The following SYNPR variants were observed in gnomAD, a reference collection of about 807,000 sequenced individuals.
SYNPR encodes synaptoporin.
In SYNPR, 23 loss-of-function variants were observed where a neutral mutation model predicts 32.9. The observed-to-expected ratio is 0.70, with a 90% CI of 0.50 to 0.99. The LOEUF (loss-of-function observed/expected upper bound fraction) is 0.99, where lower values mean the gene tolerates loss of function less well. Ranked by LOEUF, SYNPR falls within the 50% of genes least tolerant of loss-of-function variation. The pLI is 0.00. For missense variants in SYNPR, 318 were observed against 349.3 expected (o/e 0.91, Z 0.71); for synonymous variants, 146 against 135.9 (o/e 1.07, Z -0.52).
chr3:63,506,150 C>A (rs184185969), intron 3 of SYNPR, among the ~76,000 whole-genome samples: 72 of 151,422 alleles, frequency 4.8e-4, no homozygotes, highest in African/African-American at 1.7e-3. Context: ...TTCCCTTTTC[C>A]TCCGCTCTCT....
chr3:63,355,195 C>T (rs1490195952), intron 2 of SYNPR, among the ~76,000 whole-genome samples: 3 of 151,592 alleles, frequency 2.0e-5, no homozygotes, highest in Non-Finnish European at 4.4e-5. Flanking sequence ...CAGAGAATGG[C>T]TTCAGCCTTG....
intron 2 of SYNPR, among the ~76,000 whole-genome samples, chr3:63,297,135 G>A (rs558242723): frequency 1.3e-5 from 2 of 152,356 alleles, no homozygotes; most frequent in East Asian, 3.9e-4. Context: ...AAATAATTTA[G>A]ATTAGGGACT....
intron 2 of SYNPR, among the ~76,000 whole-genome samples, chr3:63,316,282 T>C (rs1310759029): frequency 3.3e-5 from 5 of 152,052 alleles, no homozygotes; most frequent in African/African-American, 1.2e-4. Flanking sequence ...TCTTTCTCTA[T>C]CTTGTGGAAG....
At chr3:63,269,113 A>T (rs545749536) in intron 3 of SYNPR, among the ~76,000 whole-genome samples, 1 of 152,368 alleles carries the variant, frequency 6.6e-6, no homozygotes, top group East Asian at 1.9e-4. Context: ...GAATAAAAAA[A>T]TTATTCTCAC....
intron 2 of SYNPR, among the ~76,000 whole-genome samples, chr3:63,363,231 A>G (rs976874927): frequency 3.3e-5 from 5 of 152,162 alleles, no homozygotes; most frequent in Admixed American, 2.6e-4. Flanking sequence ...CAGCCTCTTA[A>G]TGTTATCAGC....
intron 2 of SYNPR, chr3:63,351,381 A>G (rs2087507509): frequency 6.6e-6 from 1 of 152,176 alleles, no homozygotes; most frequent in Non-Finnish European, 1.5e-5. Context: ...TGCTTTTCAA[A>G]TCAAGTGTGA....
chr3:63,293,888 A>G (rs1575588970), intron 2 of SYNPR, among the ~76,000 whole-genome samples: 1 of 152,070 alleles, frequency 6.6e-6, no homozygotes, highest in African/African-American at 2.4e-5. Flanking sequence ...TTAACTAATC[A>G]TATCTGCAGT....
At chr3:63,282,549 G>A (rs1393994203) in intron 2 of SYNPR, among the ~76,000 whole-genome samples, 7 of 152,060 alleles carry the variant, frequency 4.6e-5, no homozygotes, top group Admixed American at 1.3e-4. Flanking sequence ...TAGGCATTGT[G>A]GTGCATGCCT....
rs9864214 is a variant in SYNPR, at chr3:63,318,509, A to T, written c.84+39767A>T. ...GGTTAATTCAAAGACCTTGTCTTTG[A>T]GCTGTGAATTTCTCTCTTCTGTTTG... On this transcript the variant is annotated intron_variant, in intron 2 of 5. Transcript: ENST00000478300. Among the ~76,000 whole-genome samples, 418 of 151,750 alleles carry T rather than the reference A, an allele frequency of 2.8e-3. 1 individual carries two copies. The highest frequency in any genetic ancestry group is 9.1e-3 in the African/African-American group (376 of 41,412).
chr3:63,447,998 A>ATATTTATTTATTTATTTATT (rs369985539), intron 2 of SYNPR, among the ~76,000 whole-genome samples: 8,388 of 151,670 alleles, frequency 0.055, 430 homozygotes, highest in East Asian at 0.26. Context: ...TGCCTACAGA[A>ATATTTATTTATTTATTTATT]TATTTATTTA....
In SYNPR at chr3:63,487,349, C is replaced by T. The variant is rs145417732; in HGVS notation, c.209+6393C>T. Among the ~76,000 whole-genome samples, 199 of 152,126 alleles carry T rather than the reference C, an allele frequency of 1.3e-3. 1 individual carries two copies. Among genetic ancestry groups the T allele is most frequent in the Middle Eastern group, 3.4e-3 (1 of 294 alleles). On this transcript the variant is annotated intron_variant, in intron 3 of 5. Transcript: ENST00000478300. ...CTGTTTCTTATCTGTGAAACAGAAA[C>T]AATGTTACCTATTTCATAGTATTGT...
intron 2 of SYNPR, among the ~76,000 whole-genome samples, chr3:63,340,623 T>G (rs2087356382): frequency 6.6e-6 from 1 of 151,438 alleles, no homozygotes; most frequent in South Asian, 2.1e-4. Flanking sequence ...GTTTCACCGT[T>G]TTAGCCGGGA....
chr3:63,395,342 A>C (rs2088197521), intron 2 of SYNPR, among the ~76,000 whole-genome samples: 1 of 152,214 alleles, frequency 6.6e-6, no homozygotes, highest in African/African-American at 2.4e-5. Flanking sequence ...ATGTGAATTT[A>C]TCCTACTGAT....
chr3:63,615,151 A>G (rs1700260407), intron 5 of SYNPR, 73 bp from the exon 6 acceptor site: 2 of 1,526,036 alleles, frequency 1.3e-6, no homozygotes, highest in South Asian at 1.3e-5. Flanking sequence ...ATTGTGAAGG[A>G]TTTTTCCAAA....
chr3:63,261,510 G>A (rs1400068046), intron 2 of SYNPR, among the ~76,000 whole-genome samples: 2 of 140,234 alleles, frequency 1.4e-5, no homozygotes, highest in Non-Finnish European at 3.0e-5. Flanking sequence ...GCTGGGAATT[G>A]AACAATGAGA....
chr3:63,238,000 T>C (rs972237971), intron 1 of SYNPR, among the ~76,000 whole-genome samples: 11 of 152,128 alleles, frequency 7.2e-5, no homozygotes, highest in African/African-American at 2.7e-4. Flanking sequence ...CTTGATGTTG[T>C]TGGTGGGACT....
intron 3 of SYNPR, among the ~76,000 whole-genome samples, chr3:63,494,024 TG>T (rs1701308742): frequency 6.6e-6 from 1 of 152,002 alleles, no homozygotes; most frequent in African/African-American, 2.4e-5. Flanking sequence ...TAACATTGAT[TG>T]ATTTTTTTTT....
chr3:63,608,535 G>T (rs1700155404), intron 4 of SYNPR, among the ~76,000 whole-genome samples: 1 of 152,100 alleles, frequency 6.6e-6, no homozygotes, highest in Admixed American at 6.6e-5. Flanking sequence ...TTCCACATTG[G>T]TTAACATATT....
At chr3:63,517,736 G>A (rs1701827108) in intron 3 of SYNPR, among the ~76,000 whole-genome samples, 1 of 152,048 alleles carries the variant, frequency 6.6e-6, no homozygotes, top group Admixed American at 6.6e-5. Flanking sequence ...AAACATAGAG[G>A]TTATAGGTCA....
Sources: gnomAD v4.1 joint callset for allele counts (sites outside exome capture counted in the v4.1 genomes callset) on GRCh38, gnomAD v4.1.1 for gene constraint, MANE v1.5 for transcripts, NCBI Gene and HGNC (gene_info 2026-07-23, HGNC 2026-07-21) for gene names.